Variants in PCDH9 observed in about 807,000 individuals in gnomAD.
PCDH9 encodes the protein protocadherin-9.
A neutral mutation model predicts 70.6 loss-of-function variants in PCDH9; 24 were observed. That is an observed-to-expected ratio of 0.34 (90% confidence interval 0.25 to 0.48). PCDH9 has a LOEUF of 0.48. Among genes scored for constraint, PCDH9 ranks in the 20% least tolerant of loss-of-function variants. The pLI is 0.99. For missense variants in PCDH9, 1,281 were observed against 1,503.6 expected (o/e 0.85, Z 2.45); for synonymous variants, 562 against 558.5 (o/e 1.01, Z -0.09).
At chr13:67,008,408 T>C (rs895257361) in intron 2 of PCDH9, among the ~76,000 whole-genome samples, 3 of 152,172 alleles carry the variant, frequency 2.0e-5, no homozygotes, top group African/African-American at 7.2e-5. Flanking sequence ...AGGTGAAGAC[T>C]GTATGTAATT....
chr13:67,103,661 G>A (rs2086477845), intron 2 of PCDH9, among the ~76,000 whole-genome samples: 1 of 151,890 alleles, frequency 6.6e-6, no homozygotes, highest in African/African-American at 2.4e-5. Context: ...TTACAGTAAG[G>A]GAAATTGTTG....
intron 2 of PCDH9, among the ~76,000 whole-genome samples, chr13:66,965,537 G>A (rs1472327936): frequency 1.3e-5 from 2 of 151,904 alleles, no homozygotes; most frequent in Non-Finnish European, 2.9e-5. Context: ...AAAACAACCA[G>A]CTCAAAGATT....
At chr13:67,153,972 T>C (rs999762297) in intron 2 of PCDH9, among the ~76,000 whole-genome samples, 22 of 152,348 alleles carry the variant, frequency 1.4e-4, no homozygotes, top group African/African-American at 5.0e-4. Flanking sequence ...CTTTGGCACC[T>C]TGCTCGAGGC....
At chr13:67,218,849 C>A (rs1168636447) in intron 2 of PCDH9, 1 of 151,430 alleles carries the variant, frequency 6.6e-6, no homozygotes, top group Admixed American at 6.6e-5. Flanking sequence ...TCTATCTTTG[C>A]CATTCTTAGC....
chr13:67,135,949 C>G (rs1309410272), intron 2 of PCDH9, among the ~76,000 whole-genome samples: 1 of 152,012 alleles, frequency 6.6e-6, no homozygotes, highest in African/African-American at 2.4e-5. Context: ...TCTCTGGTAT[C>G]TCTGCTATGC....
chr13:66,759,532 T>C (rs1383161549), intron 3 of PCDH9, among the ~76,000 whole-genome samples: 6 of 152,144 alleles, frequency 3.9e-5, no homozygotes, highest in Non-Finnish European at 8.8e-5. Context: ...TTGTTAATTG[T>C]TTTCTAGTTA....
At chr13:66,401,668 G>C (rs377319240) in intron 4 of PCDH9, among the ~76,000 whole-genome samples, 4 of 152,106 alleles carry the variant, frequency 2.6e-5, no homozygotes, top group East Asian at 3.9e-4. Flanking sequence ...TAAGGTCCTA[G>C]ATAAATATTT....
At chr13:66,910,803 G>A (rs549131603) in intron 2 of PCDH9, among the ~76,000 whole-genome samples, 35 of 152,214 alleles carry the variant, frequency 2.3e-4, no homozygotes, top group African/African-American at 5.1e-4. Flanking sequence ...CTTTTATTGC[G>A]TAAGTGGTAT....
At chr13:67,156,273 G>A (rs1263739561) in intron 2 of PCDH9, among the ~76,000 whole-genome samples, 3 of 152,190 alleles carry the variant, frequency 2.0e-5, no homozygotes, top group African/African-American at 7.2e-5. Flanking sequence ...TGGACGTGTA[G>A]AGGAGCGGAT....
intron 2 of PCDH9, among the ~76,000 whole-genome samples, chr13:67,090,073 TCTCAAA>T (rs1399491620): frequency 1.3e-5 from 2 of 151,938 alleles, no homozygotes; most frequent in Non-Finnish European, 2.9e-5. Flanking sequence ...TTGACCATAA[TCTCAAA>T]CTATTAGAAT....
At chr13:66,776,008 T>C (rs368869591) in intron 3 of PCDH9, among the ~76,000 whole-genome samples, 2 of 152,194 alleles carry the variant, frequency 1.3e-5, no homozygotes, top group Admixed American at 6.5e-5. Flanking sequence ...TCTGCTTTTG[T>C]CTCAGGTCAT....
rs565832979 is a variant in PCDH9 at position 66,462,121 on chromosome 13, T to C, written c.3341-157093A>G. On this transcript the variant is annotated intron_variant, in intron 4 of 4. Coordinates refer to ENST00000377865, the MANE Select transcript of PCDH9 (RefSeq NM_203487.3). ...ATAGGAATATTTACACTATGGAAATTGGCAGTGTTACAAACCATGCTCCCC... is the reference window on the plus strand; with the variant it reads ...ATAGGAATATTTACACTATGGAAATCGGCAGTGTTACAAACCATGCTCCCC... Among the ~76,000 whole-genome samples the C allele has an allele frequency of 2.6e-5, 4 of 151,934 alleles. No homozygotes were observed. The South Asian group carries it at 8.3e-4, about 31-fold the overall frequency.
chr13:66,603,607 A>G (rs1393599047), intron 4 of PCDH9, among the ~76,000 whole-genome samples: 1 of 151,966 alleles, frequency 6.6e-6, no homozygotes, highest in East Asian at 1.9e-4. Flanking sequence ...TAATTAATGT[A>G]TTTTCATGTT....
At chr13:66,751,500 CTAAG>C (rs1316616727) in intron 3 of PCDH9, among the ~76,000 whole-genome samples, 5 of 152,166 alleles carry the variant, frequency 3.3e-5, no homozygotes, top group South Asian at 2.1e-4. Context: ...TAGAATTTGA[CTAAG>C]TAAGTTCATG....
intron 2 of PCDH9, chr13:66,996,353 T>C (rs1276841181): frequency 6.7e-6 from 1 of 149,100 alleles, no homozygotes; most frequent in Non-Finnish European, 1.5e-5. Flanking sequence ...CATTAGTGTT[T>C]AAAAAAAAAA....
chr13:67,138,044 A>G (rs1208296465), intron 2 of PCDH9, among the ~76,000 whole-genome samples: 1 of 152,164 alleles, frequency 6.6e-6, no homozygotes, highest in Non-Finnish European at 1.5e-5. Flanking sequence ...TGGTATTTAT[A>G]AGAATTTTTA....
At chr13:66,800,518 G>A (rs560523470) in intron 3 of PCDH9, among the ~76,000 whole-genome samples, 60 of 152,124 alleles carry the variant, frequency 3.9e-4, no homozygotes, top group Admixed American at 3.4e-3. Flanking sequence ...ACAAGGCTTT[G>A]TCCGTCTTAC....
Position 66,849,515 on chromosome 13 carries a change from TATAGAG to T in PCDH9, c.3138+53983_3138+53988del, listed in dbSNP as rs1424081731. ...ATATATATATATATATATATATATA[TATAGAG>T]AGAGAGAGAGAGAGAGAGAGAGAGA... On this transcript the variant is annotated intron_variant, in intron 3 of 4. Coordinates refer to ENST00000377865, the MANE Select transcript of PCDH9 (RefSeq NM_203487.3). Among the ~76,000 whole-genome samples the T allele has an allele frequency of 1.7e-4, 12 of 72,522 alleles. No homozygotes were observed. The East Asian group carries it at 4.4e-3, about 26-fold the overall frequency. 47.6% of individuals were successfully genotyped at this position (72,522 alleles called of 152,430 possible). A position where few individuals can be genotyped will look rare whatever the true frequency, so the allele number is the denominator to read the frequency against.
chr13:67,015,327 G>A (rs992744845), intron 2 of PCDH9, among the ~76,000 whole-genome samples: 4 of 152,104 alleles, frequency 2.6e-5, no homozygotes, highest in African/African-American at 9.7e-5. Context: ...AATATGGCCT[G>A]AATTTTAAGT....
Sources: gnomAD v4.1 joint callset for allele counts (sites outside exome capture counted in the v4.1 genomes callset) on GRCh38, gnomAD v4.1.1 for gene constraint, MANE v1.5 for transcripts, NCBI Gene and HGNC (gene_info 2026-07-23, HGNC 2026-07-21) for gene names.